Variants in ERC1 observed in about 807,000 individuals in gnomAD.
ERC1 encodes the protein RAB6 interacting protein 2.
In ERC1, 56 loss-of-function variants were observed where a neutral mutation model predicts 132.0. The observed-to-expected ratio is 0.42, with a 90% confidence interval of 0.34 to 0.53. The LOEUF (loss-of-function observed/expected upper bound fraction) is 0.53. Ranked by LOEUF, ERC1 falls within the 20% of genes least tolerant of loss-of-function variation. The probability of loss-of-function intolerance (pLI) is 0.03; values close to 1 mark genes in which losing one functional copy is unlikely to be tolerated. For missense variants in ERC1, 1,202 were observed against 1,349.9 expected (o/e 0.89, Z 1.72); for synonymous variants, 478 against 476.1 (o/e 1.00, Z -0.05).
chr12:1,421,566 T>A (rs951518022), intron 17 of ERC1, among the ~76,000 whole-genome samples: 26 of 151,622 alleles, frequency 1.7e-4, no homozygotes, highest in African/African-American at 6.1e-4. Flanking sequence ...CCGAGTGGAG[T>A]CAGTTGGTTG....
chr12:1,442,234 A>T (rs1273842171), intron 17 of ERC1, among the ~76,000 whole-genome samples: 1 of 152,232 alleles, frequency 6.6e-6, no homozygotes, highest in Non-Finnish European at 1.5e-5. Context: ...GACCACAAGT[A>T]TACATGTATG....
At chr12:1,157,196 A>G (rs1198537954) in intron 8 of ERC1, among the ~76,000 whole-genome samples, 2 of 152,036 alleles carry the variant, frequency 1.3e-5, no homozygotes, top group Non-Finnish European at 2.9e-5. Context: ...TCTACCTCCC[A>G]GGCTCCAAGC....
chr12:1,441,858 T>C (rs2093165055), intron 17 of ERC1, among the ~76,000 whole-genome samples: 1 of 152,164 alleles, frequency 6.6e-6, no homozygotes, highest in South Asian at 2.1e-4. Flanking sequence ...GTGCTTGCAT[T>C]TAAAGTAATT....
At chr12:1,385,030 AC>A (rs1821356072) in intron 16 of ERC1, among the ~76,000 whole-genome samples, 1 of 152,252 alleles carries the variant, frequency 6.6e-6, no homozygotes, top group Non-Finnish European at 1.5e-5. Flanking sequence ...TATGCACTTT[AC>A]GAGTACACCC....
At chr12:1,051,200 T>C (rs1383517800) in intron 2 of ERC1, among the ~76,000 whole-genome samples, 1 of 152,174 alleles carries the variant, frequency 6.6e-6, no homozygotes, top group East Asian at 1.9e-4. Flanking sequence ...TAAAATACTT[T>C]TGGTCAGCCC....
intron 1 of ERC1, among the ~76,000 whole-genome samples, chr12:1,020,471 A>G (rs1446223076): frequency 1.3e-5 from 2 of 152,250 alleles, no homozygotes; most frequent in African/African-American, 4.8e-5. Flanking sequence ...AAACAAAACA[A>G]AAAGAAACAA....
intron 16 of ERC1, 124 bp from the exon 17 acceptor site, chr12:1,408,025 G>T: frequency 1.5e-6 from 1 of 652,484 alleles, no homozygotes; most frequent in Non-Finnish European, 2.6e-6. Context: ...CCCATATTTA[G>T]TTTATTTTAT....
intron 17 of ERC1, among the ~76,000 whole-genome samples, chr12:1,424,704 T>G (rs1384041477): frequency 6.6e-6 from 1 of 152,142 alleles, no homozygotes; most frequent in Non-Finnish European, 1.5e-5. Context: ...GGTTTTGACC[T>G]TTGAAAAAGA....
chr12:1,077,284 A>G (rs1173221788), intron 2 of ERC1, among the ~76,000 whole-genome samples: 1 of 152,218 alleles, frequency 6.6e-6, no homozygotes, highest in Non-Finnish European at 1.5e-5. Context: ...GAATGAGAAT[A>G]AACGGGATCA....
Position 1,428,435 on chromosome 12 carries a change from G to A in ERC1, c.3025-16127G>A, listed in dbSNP as rs142830018. Among the ~76,000 whole-genome samples the A allele has an allele frequency of 2.4e-4, 37 of 152,254 alleles. 1 individual carries two copies. The highest frequency in any genetic ancestry group is 1.3e-3 in the Admixed American group (20 of 15,288). On this transcript the variant is annotated intron_variant, in intron 17 of 18. Coordinates refer to ENST00000360905, the MANE Select transcript of ERC1 (RefSeq NM_178040.4). The stretch of plus-strand genomic sequence containing the variant: ...ATAGGTTATCCTATAATTGGGTTCC[G>A]TTCATGTGTATTAGTGTCCCAGGCT...
intron 12 of ERC1, among the ~76,000 whole-genome samples, chr12:1,198,074 T>C (rs61914324): frequency 0.2 from 30,544 of 151,930 alleles, 3,562 homozygotes; most frequent in Non-Finnish European, 0.27. Flanking sequence ...TAGAGGTGCA[T>C]GCCACCATGC....
intron 18 of ERC1, among the ~76,000 whole-genome samples, chr12:1,447,456 C>T (rs1565459218): frequency 6.6e-6 from 1 of 150,764 alleles, no homozygotes; most frequent in Non-Finnish European, 1.5e-5. Context: ...GTCGTGGCTA[C>T]AATGAGCTGA....
At position 1,492,166 on chromosome 12, in the gene ERC1, C is replaced by A; in HGVS notation, c.*1936C>A. Reference sequence around the variant, plus strand: ...CGTTTCTTATCGAAGGTTAAATGGACTCTGCTCATAAACCTCTTACTGAGA... The same window carrying A: ...CGTTTCTTATCGAAGGTTAAATGGAATCTGCTCATAAACCTCTTACTGAGA... On this transcript the variant is annotated 3_prime_UTR_variant, in exon 19 of 19. Coordinates refer to ENST00000360905, the MANE Select transcript of ERC1 (RefSeq NM_178040.4). 4.3e-6 allele frequency: 1 copy of A among 233,016 alleles called. No homozygotes were observed. Among genetic ancestry groups the A allele is most frequent in the Non-Finnish European group, 8.5e-6 (1 of 117,876 alleles). The allele number at this position is 233,016 out of a possible 1,614,324, so 14.4% of individuals were successfully genotyped here. A position where few individuals can be genotyped will look rare whatever the true frequency, so the allele number is the denominator to read the frequency against.
At chr12:1,322,276 T>G (rs1349109348) in intron 15 of ERC1, among the ~76,000 whole-genome samples, 1 of 152,188 alleles carries the variant, frequency 6.6e-6, no homozygotes, top group Non-Finnish European at 1.5e-5. Context: ...GATAGTAGGC[T>G]CTCACTACAT....
chr12:1,038,542 G>A (rs1565836474), intron 2 of ERC1, among the ~76,000 whole-genome samples: 1 of 151,944 alleles, frequency 6.6e-6, no homozygotes, highest in Non-Finnish European at 1.5e-5. Context: ...TGTATTTTTA[G>A]TAGAGACAGG....
chr12:1,043,693 A>G (rs965712956), intron 2 of ERC1, among the ~76,000 whole-genome samples: 10 of 152,216 alleles, frequency 6.6e-5, no homozygotes, highest in African/African-American at 2.4e-4. Context: ...ATTTGAGCCA[A>G]GATCCTATAA....
At chr12:1,115,786 G>A in intron 6 of ERC1, 80 bp from the exon 7 acceptor site, 1 of 1,198,880 alleles carries the variant, frequency 8.3e-7, no homozygotes. Flanking sequence ...CATATTTTGT[G>A]ACTCAGATCT....
intron 2 of ERC1, among the ~76,000 whole-genome samples, chr12:1,057,754 C>A (rs12319518): frequency 6.6e-6 from 1 of 151,792 alleles, no homozygotes; most frequent in Admixed American, 6.6e-5. Flanking sequence ...TGCCACCACG[C>A]CCAGCTAATT....
intron 2 of ERC1, among the ~76,000 whole-genome samples, chr12:1,045,631 G>A (rs1360073532): frequency 6.6e-6 from 1 of 152,036 alleles, no homozygotes; most frequent in South Asian, 2.1e-4. Flanking sequence ...ATTTGTTCAG[G>A]TTTCACATCT....
Sources: allele counts gnomAD v4.1 joint callset (sites outside exome capture counted in the v4.1 genomes callset), GRCh38; gene constraint gnomAD v4.1.1; transcripts MANE v1.5; gene names NCBI Gene and HGNC (gene_info 2026-07-23, HGNC 2026-07-21).